Variants in SEPTIN8 observed in about 807,000 individuals in gnomAD.
SEPTIN8 encodes the protein septin-8.
SEPTIN8 carries 22 observed loss-of-function variants against 53.1 expected under a neutral mutation model. That is an observed-to-expected ratio of 0.41 (90% CI 0.30 to 0.59). SEPTIN8 has a LOEUF of 0.59. SEPTIN8 is among the 20% of genes least tolerant of loss of function. The probability of loss-of-function intolerance (pLI) is 0.24; values close to 1 mark genes in which losing one functional copy is unlikely to be tolerated. For synonymous variants in SEPTIN8, 228 were observed against 248.4 expected (o/e 0.92, Z 0.77); for missense variants, 536 against 638.7 (o/e 0.84, Z 1.73).
At chr5:132,754,197 C>T (rs558677882) in intron 9 of SEPTIN8, 5 of 534,852 alleles carry the variant, frequency 9.3e-6, no homozygotes, top group South Asian at 2.6e-5. Context: ...AGCTACCATG[C>T]ATTTAGCCTT....
At chr5:132,755,992 C>T in intron 9 of SEPTIN8, 1 of 985,204 alleles carries the variant, frequency 1.0e-6, no homozygotes, top group Admixed American at 6.1e-5. Flanking sequence ...CCAAAAAAGA[C>T]ACCACAAAAA....
Position 132,751,827 on chromosome 5 carries a change from G to A in SEPTIN8, c.*189C>T, listed in dbSNP as rs908430097. ...GGGCATTAAGCCTCAAGCCCCTTAC[G>A]GAGCCATGGATAGGAATGAAAAGGG... On this transcript the variant is annotated 3_prime_UTR_variant, in exon 10 of 10. Coordinates refer to ENST00000378719, the MANE Select transcript of SEPTIN8 (RefSeq NM_001098811.2). The A allele has an allele frequency of 1.3e-5, 14 of 1,045,508 alleles. No individual in the cohort carries two copies. Among genetic ancestry groups the A allele is most frequent in the East Asian group, 1.0e-4 (4 of 38,336 alleles). 64.8% of individuals were successfully genotyped at this position (1,045,508 alleles called of 1,614,324 possible).
intron 1 of SEPTIN8, among the ~76,000 whole-genome samples, chr5:132,766,484 C>CT (rs1183221450): frequency 2.6e-5 from 4 of 152,232 alleles, no homozygotes; most frequent in African/African-American, 7.2e-5. Flanking sequence ...GCTGGTTTCT[C>CT]TGACTCCCTG....
intron 1 of SEPTIN8, among the ~76,000 whole-genome samples, chr5:132,767,446 G>A (rs991556339): frequency 5.9e-5 from 9 of 151,980 alleles, no homozygotes; most frequent in African/African-American, 9.7e-5. Flanking sequence ...AAGCACTTAC[G>A]TTCCAGACCC....
At chr5:132,777,352 CGAGCGCAGCCG>C, upstream of SEPTIN8, 1 of 1,044,574 alleles carries the variant, frequency 9.6e-7, no homozygotes, top group Non-Finnish European at 1.2e-6. This position sits in a 1 kb window ranked among gnomAD's most constrained non-coding sequence, Gnocchi z 4.1. Context: ...GGCCCGGCCA[CGAGCGCAGCCG>C]GAGCCCCGCC....
intron 9 of SEPTIN8, chr5:132,755,994 CCA>C (rs1176298148): frequency 1.0e-6 from 1 of 984,882 alleles, no homozygotes; most frequent in Non-Finnish European, 1.2e-6. Flanking sequence ...AAAAAAGACA[CCA>C]CAAAAACTCA....
intron 9 of SEPTIN8, 109 bp from the exon 10 acceptor site, chr5:132,752,290 C>G: frequency 7.3e-7 from 1 of 1,373,116 alleles, no homozygotes. Context: ...CCCTTGTAGC[C>G]TCTGGAAAAT....
chr5:132,770,083 ATATATG>A (rs1757118739), intron 1 of SEPTIN8, among the ~76,000 whole-genome samples: 11 of 51,378 alleles, frequency 2.1e-4, no homozygotes, highest in Non-Finnish European at 2.7e-4. Flanking sequence ...ATATATATGT[ATATATG>A]TATATATATA....
chr5:132,758,551 C>T lies in SEPTIN8; in HGVS notation c.1286+2251G>A, dbSNP rs1202260526. 18 of 1,613,362 alleles carry T rather than the reference C, an allele frequency of 1.1e-5. No homozygotes were observed. The East Asian group carries it at 4.0e-4, about 36-fold the overall frequency. On this transcript the variant is annotated intron_variant, in intron 9 of 9. Transcript: ENST00000378719. ...GACACTGTAAATGGAAGACCAGCCA[C>T]TGGCTCTGAAAAAAATAAACCTCGT...
chr5:132,755,086 A>G (rs1291552455), intron 9 of SEPTIN8, among the ~76,000 whole-genome samples: 1 of 152,070 alleles, frequency 6.6e-6, no homozygotes, highest in African/African-American at 2.4e-5. Flanking sequence ...TGTCCTTCAA[A>G]GCTTGGTGAA....
Position 132,761,546 on chromosome 5 carries a change from T to C in SEPTIN8, c.874A>G (p.Thr292Ala). 1 of 1,613,928 alleles carries C rather than the reference T, an allele frequency of 6.2e-7. No individual in the cohort carries two copies. Among genetic ancestry groups the C allele is most frequent in the Non-Finnish European group, 8.5e-7 (1 of 1,180,002 alleles). ...TAGAGCTCGTAGTGCCGGCTGTGGG[T>C]CTGCTCGCGGAGGTCTTCCATGTTC... ...RVNMEDLREQ[T>A]HSRHYELYRR... The change falls in exon 7 of 10, where the codon ACC becomes GCC. Residue 292 changes from threonine to alanine, a missense_variant. This residue lies in a region of SEPTIN8 where 395 missense variants were observed against 451.8 expected (regional missense o/e 0.87). Coordinates refer to ENST00000378719, the MANE Select transcript of SEPTIN8 (RefSeq NM_001098811.2). This position sits in a 1 kb window ranked among gnomAD's most constrained non-coding sequence, Gnocchi z 5.8.
rs756694987 is a variant in SEPTIN8 at position 132,752,037 on chromosome 5, C to T, written c.1431G>A (p.Thr477=). Residue 477 remains threonine, a synonymous_variant, in exon 10 of 10, where the codon ACG becomes ACA. Transcript: ENST00000378719. ...QCCSCLVRDA[T]WREGFL ...TGCCTCAGAGGAATCCTTCCCTCCA[C>T]GTCGCATCCCTGACCAGGCAGCTGC... 1.4e-5 allele frequency: 23 copies of T among 1,611,438 alleles called. No homozygotes were observed. The highest frequency in any genetic ancestry group is 5.6e-5 in the South Asian group (5 of 90,010).
chr5:132,755,934 G>A, intron 9 of SEPTIN8: 1 of 971,414 alleles, frequency 1.0e-6, no homozygotes, highest in Non-Finnish European at 1.2e-6. Flanking sequence ...TACCACAGTT[G>A]TAGCAGATTA....
upstream of SEPTIN8, chr5:132,777,385 C>G: frequency 9.8e-7 from 1 of 1,018,190 alleles, no homozygotes; most frequent in Non-Finnish European, 1.2e-6. This position sits in a 1 kb window ranked among gnomAD's most constrained non-coding sequence, Gnocchi z 4.1. Flanking sequence ...CTTGGACGGC[C>G]GGGGGTCTCC....
Position 132,760,886 on chromosome 5 carries a change from C to G in SEPTIN8, c.1202G>C (p.Arg401Pro), listed in dbSNP as rs753567516. 2.5e-6 allele frequency: 4 copies of G among 1,611,946 alleles called. No individual in the cohort carries two copies. Among genetic ancestry groups the G allele is most frequent in the Non-Finnish European group, 3.4e-6 (4 of 1,179,408 alleles). The change falls in exon 9 of 10, where the codon CGG becomes CCG. Residue 401 changes from arginine to proline, a missense_variant. By Grantham distance (103) the Arg-to-Pro change is moderately radical. Coordinates refer to ENST00000378719, the MANE Select transcript of SEPTIN8 (RefSeq NM_001098811.2). The surrounding 1 kb of genome is among the most constrained non-coding windows in gnomAD (Gnocchi z 5.2). ...CTGCAGGGCCTCCACCGCAGCCTTC[C>G]GGCGATTGAAGGCGTTGGTCTCCTC... ...LEEETNAFNRRKAAVEALQSQ... is the reference protein window; with the variant it reads ...LEEETNAFNRPKAAVEALQSQ...
intron 1 of SEPTIN8, among the ~76,000 whole-genome samples, chr5:132,770,470 A>G (rs1306092858): frequency 1.3e-5 from 2 of 152,062 alleles, no homozygotes. Flanking sequence ...GTGAGCCACC[A>G]TGCCTGGCCC....
chr5:132,752,765 C>A, intron 9 of SEPTIN8: 1 of 959,914 alleles, frequency 1.0e-6, no homozygotes. Context: ...GTGGTTGGAC[C>A]TTCCTGAACT....
intron 1 of SEPTIN8, 27 bp from the exon 2 acceptor site, chr5:132,765,556 A>G (rs759527202): frequency 1.3e-6 from 2 of 1,558,984 alleles, no homozygotes; most frequent in Non-Finnish European, 1.7e-6. Context: ...AAAGCAAGAC[A>G]TGAGCCCACT....
At chr5:132,771,636 T>A (rs953774571) in intron 1 of SEPTIN8, among the ~76,000 whole-genome samples, 1 of 152,162 alleles carries the variant, frequency 6.6e-6, no homozygotes, top group African/African-American at 2.4e-5. Flanking sequence ...TCTCCACCCA[T>A]GTTCCTGGCA....
Sources: gnomAD v4.1 joint callset for allele counts (sites outside exome capture counted in the v4.1 genomes callset) on GRCh38, gnomAD v4.1.1 for gene constraint, gnomAD v4.1.1 regional missense constraint, Gnocchi (gnomAD v3.1) non-coding constraint, MANE v1.5 for transcripts, NCBI Gene and HGNC (gene_info 2026-07-23, HGNC 2026-07-21) for gene names.